The following AFF3 variants were observed in gnomAD, a reference collection of about 807,000 sequenced individuals.
The protein encoded by AFF3 is AF4/FMR2 family member 3.
Under a neutral mutation model 129.7 loss-of-function variants are expected in AFF3, and 32 were observed. That is an observed-to-expected ratio of 0.25 (90% CI 0.19 to 0.33). The LOEUF (loss-of-function observed/expected upper bound fraction) is 0.33. AFF3 is among the 10% of genes least tolerant of loss of function. The probability of loss-of-function intolerance (pLI) is 1.00; values close to 1 mark genes in which losing one functional copy is unlikely to be tolerated. For synonymous variants in AFF3, 644 were observed against 635.4 expected (o/e 1.01, Z -0.20); for missense variants, 1,373 against 1,592.0 (o/e 0.86, Z 2.34).
At chr2:99,821,157 G>A (rs2105682842) in intron 8 of AFF3, among the ~76,000 whole-genome samples, 1 of 152,238 alleles carries the variant, frequency 6.6e-6, no homozygotes. Context: ...ACAGGCTTGA[G>A]CCACTACATC....
intron 1 of AFF3, among the ~76,000 whole-genome samples, chr2:100,136,799 TC>T (rs1451983955): frequency 6.6e-6 from 1 of 152,214 alleles, no homozygotes; most frequent in Non-Finnish European, 1.5e-5. Flanking sequence ...TTTAATTTAA[TC>T]TTTTAAAATA....
chr2:99,792,347 G>A (rs2105451009), intron 8 of AFF3, among the ~76,000 whole-genome samples: 1 of 152,216 alleles, frequency 6.6e-6, no homozygotes, highest in South Asian at 2.1e-4. Flanking sequence ...CAGTGCATGT[G>A]TGTAGTCCCA....
chr2:99,601,339 A>G (rs1447549321), intron 14 of AFF3, 96 bp downstream of exon 14: 20 of 1,362,978 alleles, frequency 1.5e-5, no homozygotes, highest in Non-Finnish European at 1.7e-5. Flanking sequence ...AGGAGGGAGG[A>G]GACCTGCAGC....
intron 13 of AFF3, among the ~76,000 whole-genome samples, chr2:99,648,147 A>G (rs1476769727): frequency 6.6e-6 from 1 of 152,132 alleles, no homozygotes; most frequent in Non-Finnish European, 1.5e-5. Context: ...TAGCTTTACT[A>G]AAATATAATT....
intron 2 of AFF3, chr2:100,107,578 T>G: frequency 1.1e-6 from 1 of 895,112 alleles, no homozygotes; most frequent in Non-Finnish European, 1.3e-6. Flanking sequence ...TCTCCCCACA[T>G]GGATGCAAGC....
chr2:99,589,187 T>C (rs1241759789), intron 15 of AFF3, among the ~76,000 whole-genome samples: 1 of 152,128 alleles, frequency 6.6e-6, no homozygotes, highest in South Asian at 2.1e-4. Context: ...CCAGAGGTAA[T>C]AGCCACACTC....
At chr2:99,766,257 C>T (rs1246263866) in intron 8 of AFF3, among the ~76,000 whole-genome samples, 2 of 152,218 alleles carry the variant, frequency 1.3e-5, no homozygotes, top group East Asian at 1.9e-4. Context: ...ACAATCCTGC[C>T]GAAGGCACAT....
At chr2:99,555,441 T>C (rs13397587) in intron 22 of AFF3, among the ~76,000 whole-genome samples, 4 of 152,220 alleles carry the variant, frequency 2.6e-5, no homozygotes, top group African/African-American at 7.2e-5. Flanking sequence ...ATATTCCTAA[T>C]AGAATTGATT....
At chr2:100,140,237 A>T (rs977087293) in intron 1 of AFF3, among the ~76,000 whole-genome samples, 1 of 152,232 alleles carries the variant, frequency 6.6e-6, no homozygotes, top group African/African-American at 2.4e-5. Context: ...AAAGTTATTT[A>T]TGGAAGGGTC....
intron 7 of AFF3, among the ~76,000 whole-genome samples, chr2:100,003,802 G>T (rs1306195155): frequency 1.3e-5 from 2 of 152,092 alleles, no homozygotes; most frequent in African/African-American, 4.8e-5. Context: ...AAATAATACA[G>T]AATTGTTTTT....
At chr2:99,663,280 A>C (rs975541678) in intron 12 of AFF3, among the ~76,000 whole-genome samples, 2 of 152,236 alleles carry the variant, frequency 1.3e-5, no homozygotes, top group Non-Finnish European at 2.9e-5. Context: ...TGTGGTAAAG[A>C]GCACAGAATT....
At chr2:99,724,332 G>A (rs1679180460) in intron 11 of AFF3, among the ~76,000 whole-genome samples, 1 of 136,426 alleles carries the variant, frequency 7.3e-6, no homozygotes, top group Non-Finnish European at 1.5e-5. Context: ...GAGTGCAGTG[G>A]TGCAATCTTG....
At chr2:99,805,677 C>T (rs1328670621) in intron 8 of AFF3, among the ~76,000 whole-genome samples, 1 of 152,162 alleles carries the variant, frequency 6.6e-6, no homozygotes, top group South Asian at 2.1e-4. Flanking sequence ...CTGTAACACT[C>T]TATACATATT....
intron 11 of AFF3, chr2:99,707,785 G>T: frequency 4.8e-6 from 2 of 414,464 alleles, no homozygotes; most frequent in Non-Finnish European, 6.5e-6. Context: ...CTCAGTTTTA[G>T]GATTTCTTTC....
intron 4 of AFF3, among the ~76,000 whole-genome samples, chr2:100,053,396 T>C (rs558779823): frequency 1.3e-5 from 2 of 152,366 alleles, no homozygotes; most frequent in South Asian, 4.1e-4. Context: ...GGGCATTACA[T>C]TAGAAACCTG....
chr2:99,799,496 C>A (rs1293170148), intron 8 of AFF3, among the ~76,000 whole-genome samples: 1 of 151,764 alleles, frequency 6.6e-6, no homozygotes, highest in Non-Finnish European at 1.5e-5. Flanking sequence ...AGAGACATAC[C>A]ATGTTCATGA....
chr2:99,817,322 A>G (rs1261982013), intron 8 of AFF3, among the ~76,000 whole-genome samples: 1 of 152,182 alleles, frequency 6.6e-6, no homozygotes, highest in Non-Finnish European at 1.5e-5. Flanking sequence ...AGATCTTCTT[A>G]CTGGCTCATA....
intron 1 of AFF3, among the ~76,000 whole-genome samples, chr2:100,139,363 C>T (rs1204099396): frequency 6.6e-6 from 1 of 152,150 alleles, no homozygotes; most frequent in Non-Finnish European, 1.5e-5. Context: ...TAATTGGTAA[C>T]ATATTGCCGA....
In AFF3 at chr2:99,675,169, T is replaced by C. The variant is rs374956548; in HGVS notation, c.1092-2580A>G. ...CTCTCTTATATTAAAAAAATGAATT[T>C]ATTGTGTTTCCGGCTGGGTTCTAAA... On this transcript the variant is annotated intron_variant, in intron 11 of 24. Transcript: ENST00000672756. Among the ~76,000 whole-genome samples, 16 of 152,356 alleles carry C rather than the reference T, an allele frequency of 1.1e-4. 1 individual carries two copies. The South Asian group carries it at 1.7e-3, about 16-fold the overall frequency.
Sources: gnomAD v4.1 joint callset for allele counts (sites outside exome capture counted in the v4.1 genomes callset) on GRCh38, gnomAD v4.1.1 for gene constraint, MANE v1.5 for transcripts, NCBI Gene and HGNC (gene_info 2026-07-23, HGNC 2026-07-21) for gene names.